Variants in GALNT13 observed in about 807,000 individuals in gnomAD.
GALNT13 encodes polypeptide N-acetylgalactosaminyltransferase 13.
In GALNT13, 28 loss-of-function variants were observed where a neutral mutation model predicts 64.2. The ratio of observed to expected loss-of-function variants is 0.44; its 90% CI spans 0.32 to 0.60. The LOEUF (loss-of-function observed/expected upper bound fraction) is 0.60, where lower values mean the gene tolerates loss of function less well. Ranked by LOEUF, GALNT13 falls within the 20% of genes least tolerant of loss-of-function variation. The pLI is 0.05. For missense variants in GALNT13, 577 were observed against 669.8 expected, an observed-to-expected ratio of 0.86 and a Z score of 1.53; for synonymous variants, 214 against 224.6, an observed-to-expected ratio of 0.95 and a Z score of 0.42.
chr2:153,554,088 G>A, the GALNT13 span, among the ~76,000 whole-genome samples: 2 of 151,914 alleles, frequency 1.3e-5, no homozygotes, highest in African/African-American at 4.8e-5. Context: ...AGGCCAAGGT[G>A]GGCGGATCAC....
At chr2:154,359,122 G>T (rs990415657) in intron 9 of GALNT13, among the ~76,000 whole-genome samples, 23 of 151,974 alleles carry the variant, frequency 1.5e-4, no homozygotes, top group African/African-American at 5.6e-4. Context: ...GTATTCCTGT[G>T]TTTTGACTTT....
At chr2:154,034,926 G>A (rs1018511691) in intron 3 of GALNT13, among the ~76,000 whole-genome samples, 3 of 152,080 alleles carry the variant, frequency 2.0e-5, no homozygotes, top group Non-Finnish European at 4.4e-5. Flanking sequence ...AGTTAGCAAA[G>A]ATAAGGAGGA....
the GALNT13 span, among the ~76,000 whole-genome samples, chr2:153,513,175 T>C: frequency 0.077 from 11,697 of 152,208 alleles, 504 homozygotes; most frequent in East Asian, 0.21. Context: ...CAGACTCTCA[T>C]GTGTTCTTCT....
the GALNT13 span, among the ~76,000 whole-genome samples, chr2:153,574,145 T>A: frequency 1.5e-5 from 2 of 137,596 alleles, no homozygotes; most frequent in Admixed American, 7.4e-5. Flanking sequence ...TTTTTTTTTT[T>A]ACTTTAGTAC....
the GALNT13 span, among the ~76,000 whole-genome samples, chr2:153,688,487 A>G: frequency 2.0e-5 from 3 of 152,018 alleles, no homozygotes; most frequent in Non-Finnish European, 4.4e-5. Flanking sequence ...TACACACATC[A>G]TTAGTATATA....
chr2:153,381,961 G>A, the GALNT13 span, among the ~76,000 whole-genome samples: 1,768 of 152,140 alleles, frequency 0.012, 41 homozygotes, highest in African/African-American at 0.04. Context: ...TGAGATTGTA[G>A]TGTGCAGGAA....
chr2:153,384,584 C>A, the GALNT13 span, among the ~76,000 whole-genome samples: 1 of 151,926 alleles, frequency 6.6e-6, no homozygotes, highest in Non-Finnish European at 1.5e-5. Flanking sequence ...CTTGCCAGAT[C>A]TTCCAATTTT....
intron 2 of GALNT13, among the ~76,000 whole-genome samples, chr2:153,933,386 CA>C (rs562385279): frequency 1.0e-3 from 158 of 152,232 alleles, no homozygotes; most frequent in Non-Finnish European, 4.9e-4. Context: ...AATAGCAACT[CA>C]ATATTTTTTT....
At chr2:153,092,323 G>C in the GALNT13 span, among the ~76,000 whole-genome samples, 1 of 151,910 alleles carries the variant, frequency 6.6e-6, no homozygotes, top group African/African-American at 2.4e-5. Context: ...GACTATTCTG[G>C]GTCTTTTGTG....
chr2:153,293,729 T>C, the GALNT13 span, among the ~76,000 whole-genome samples: 3 of 152,002 alleles, frequency 2.0e-5, no homozygotes, highest in African/African-American at 7.2e-5. Flanking sequence ...GATCAGTAAC[T>C]GACAAAGATT....
the GALNT13 span, among the ~76,000 whole-genome samples, chr2:153,466,709 C>T: frequency 6.6e-6 from 1 of 152,016 alleles, no homozygotes; most frequent in East Asian, 1.9e-4. Flanking sequence ...TGATAAGACA[C>T]ATTTTTCTCA....
the GALNT13 span, among the ~76,000 whole-genome samples, chr2:153,818,645 G>T: frequency 6.6e-6 from 1 of 152,168 alleles, no homozygotes; most frequent in African/African-American, 2.4e-5. Context: ...AACAGGCAAG[G>T]CTTGGCACCT....
chr2:153,280,070 G>T, the GALNT13 span, among the ~76,000 whole-genome samples: 1 of 152,040 alleles, frequency 6.6e-6, no homozygotes, highest in East Asian at 1.9e-4. Context: ...TATAGGATTT[G>T]AATTTATTCC....
At chr2:154,427,805 A>T (rs1700537169) in intron 11 of GALNT13, among the ~76,000 whole-genome samples, 1 of 152,222 alleles carries the variant, frequency 6.6e-6, no homozygotes, top group African/African-American at 2.4e-5. Context: ...CCTATAGATG[A>T]AACCTGAAAT....
chr2:153,107,089 A>G, the GALNT13 span, among the ~76,000 whole-genome samples: 2 of 152,284 alleles, frequency 1.3e-5, no homozygotes, highest in Non-Finnish European at 2.9e-5. Flanking sequence ...TTATCTGTTC[A>G]TCTTAATTTG....
the GALNT13 span, among the ~76,000 whole-genome samples, chr2:153,821,078 AC>A: frequency 3.9e-5 from 6 of 152,268 alleles, no homozygotes; most frequent in Admixed American, 2.6e-4. Flanking sequence ...ACATTGGAGC[AC>A]CCAGATTCTT....
At chr2:153,998,073 T>C (rs1695642758) in intron 3 of GALNT13, among the ~76,000 whole-genome samples, 1 of 152,198 alleles carries the variant, frequency 6.6e-6, no homozygotes, top group African/African-American at 2.4e-5. Flanking sequence ...TTCTAAGTCT[T>C]TGCTATTGTG....
chr2:153,478,487 C>G, the GALNT13 span: 1 of 1,612,406 alleles, frequency 6.2e-7, no homozygotes, highest in Non-Finnish European at 8.5e-7. Context: ...CAGCAGCGCA[C>G]GGCTCGCTCC....
At chr2:153,442,684 G>C in the GALNT13 span, among the ~76,000 whole-genome samples, 1 of 152,044 alleles carries the variant, frequency 6.6e-6, no homozygotes, top group African/African-American at 2.4e-5. Context: ...CAGGGAGATG[G>C]GAGTTTTACC....
Sources: allele counts gnomAD v4.1 joint callset (sites outside exome capture counted in the v4.1 genomes callset), GRCh38; gene constraint gnomAD v4.1.1; transcripts MANE v1.5; gene names NCBI Gene and HGNC (gene_info 2026-07-23, HGNC 2026-07-21).